Variants in DPP10 observed in about 807,000 individuals in gnomAD.
DPP10 encodes dipeptidyl peptidase like 10.
In DPP10, 33 loss-of-function variants were observed where a neutral mutation model predicts 120.9. The observed-to-expected ratio is 0.27, with a 90% CI of 0.21 to 0.37. The LOEUF (loss-of-function observed/expected upper bound fraction) is 0.37. Ranked by LOEUF, DPP10 falls within the 10% of genes least tolerant of loss-of-function variation. DPP10 has a pLI of 1.00. For synonymous variants in DPP10, 337 were observed against 326.1 expected, an observed-to-expected ratio of 1.03 and a Z score of -0.36; for missense variants, 816 against 942.8, an observed-to-expected ratio of 0.87 and a Z score of 1.76.
intron 3 of DPP10, among the ~76,000 whole-genome samples, chr2:115,376,886 A>C (rs1419898055): frequency 2.7e-5 from 4 of 148,354 alleles, no homozygotes; most frequent in African/African-American, 5.0e-5. Flanking sequence ...TGAACTCATC[A>C]TTTTTTATGG....
chr2:115,496,060 A>G (rs1265823172), intron 3 of DPP10, among the ~76,000 whole-genome samples: 1 of 152,140 alleles, frequency 6.6e-6, no homozygotes, highest in Non-Finnish European at 1.5e-5. Context: ...AAGGATCACT[A>G]TTAGTCTGGT....
intron 5 of DPP10, among the ~76,000 whole-genome samples, chr2:115,667,415 TC>T (rs1298052185): frequency 6.6e-6 from 1 of 152,118 alleles, no homozygotes; most frequent in East Asian, 1.9e-4. Flanking sequence ...TACAATCTTT[TC>T]CAGTTTCTAT....
At chr2:115,312,192 G>A (rs2061606739) in intron 2 of DPP10, among the ~76,000 whole-genome samples, 1 of 152,130 alleles carries the variant, frequency 6.6e-6, no homozygotes, top group Non-Finnish European at 1.5e-5. Flanking sequence ...GAGTGGAAAA[G>A]GTATTGCTGT....
At chr2:114,825,989 G>A (rs969051372) in intron 1 of DPP10, among the ~76,000 whole-genome samples, 1 of 152,272 alleles carries the variant, frequency 6.6e-6, no homozygotes, top group East Asian at 1.9e-4. Context: ...CAAAAAGAGT[G>A]GGGTATAAAC....
At chr2:114,609,349 C>T (rs1176313618) in intron 1 of DPP10, among the ~76,000 whole-genome samples, 2 of 152,136 alleles carry the variant, frequency 1.3e-5, no homozygotes, top group Admixed American at 1.3e-4. Flanking sequence ...CAACATTTAT[C>T]CCCTGGGCCT....
At chr2:114,932,494 A>T (rs921783310) in intron 1 of DPP10, among the ~76,000 whole-genome samples, 2 of 152,238 alleles carry the variant, frequency 1.3e-5, no homozygotes, top group East Asian at 3.8e-4. Flanking sequence ...TATATGTGAA[A>T]CAATCTGGGT....
intron 1 of DPP10, among the ~76,000 whole-genome samples, chr2:114,455,979 G>A (rs553774529): frequency 1.4e-4 from 21 of 152,192 alleles, no homozygotes; most frequent in South Asian, 4.1e-4. Flanking sequence ...CACACCACAT[G>A]GCAATACTGC....
At chr2:115,150,557 A>G (rs1386726015) in intron 1 of DPP10, among the ~76,000 whole-genome samples, 2 of 152,186 alleles carry the variant, frequency 1.3e-5, no homozygotes, top group African/African-American at 4.8e-5. Flanking sequence ...CATTCTCTCC[A>G]TTTGGTTGTA....
intron 3 of DPP10, among the ~76,000 whole-genome samples, chr2:115,383,836 T>C (rs1214580895): frequency 6.6e-6 from 1 of 152,222 alleles, no homozygotes; most frequent in Non-Finnish European, 1.5e-5. Flanking sequence ...GATTCTTGCA[T>C]TAGCTACAAA....
chr2:115,239,567 C>CTGT (rs1332060932), intron 1 of DPP10, among the ~76,000 whole-genome samples: 1 of 152,150 alleles, frequency 6.6e-6, no homozygotes, highest in Non-Finnish European at 1.5e-5. Context: ...AGATGTAATG[C>CTGT]TGTTGCACAC....
chr2:114,844,095 C>T (rs938509587), intron 1 of DPP10, among the ~76,000 whole-genome samples: 22 of 152,078 alleles, frequency 1.4e-4, no homozygotes, highest in Non-Finnish European at 4.4e-5. Context: ...CCCTTTTAGT[C>T]TCTTTTTGTC....
intron 1 of DPP10, among the ~76,000 whole-genome samples, chr2:114,990,731 C>T (rs1035625762): frequency 7.9e-5 from 12 of 152,148 alleles, no homozygotes; most frequent in African/African-American, 2.9e-4. Flanking sequence ...ATAGCACAGA[C>T]ACCCTTTGAA....
Position 114,787,414 on chromosome 2 carries a change from TG to T in DPP10, c.60+344577del, listed in dbSNP as rs1213202330. 4.7e-4 allele frequency among the ~76,000 whole-genome samples: 71 copies of T among 152,314 alleles called. No homozygotes were observed. In the Middle Eastern group the frequency reaches 0.024, roughly 51 times the overall value. On this transcript the variant is annotated intron_variant, in intron 1 of 25. Coordinates refer to ENST00000410059, the MANE Select transcript of DPP10 (RefSeq NM_020868.6). Reference sequence around the variant, plus strand: ...TTGGGAAACTCATTTTACTTCCAAATGCATTGGAAAGCCCTGGAGAATTTTG... The same window carrying T: ...TTGGGAAACTCATTTTACTTCCAAATCATTGGAAAGCCCTGGAGAATTTTG...
chr2:115,635,815 A>C (rs1163441509), intron 5 of DPP10, among the ~76,000 whole-genome samples: 1 of 152,190 alleles, frequency 6.6e-6, no homozygotes, highest in Non-Finnish European at 1.5e-5. Flanking sequence ...GGCTGGAATG[A>C]TAGACTAGAA....
intron 3 of DPP10, among the ~76,000 whole-genome samples, chr2:115,402,429 G>A (rs2068137541): frequency 6.6e-6 from 1 of 152,128 alleles, no homozygotes; most frequent in Admixed American, 6.6e-5. Context: ...AGGTTATTCA[G>A]TAAACAAATC....
intron 1 of DPP10, among the ~76,000 whole-genome samples, chr2:115,173,317 ATTG>A (rs2105077795): frequency 6.6e-6 from 1 of 152,314 alleles, no homozygotes; most frequent in African/African-American, 2.4e-5. Context: ...CACATTGCTT[ATTG>A]GTCACACAAG....
intron 3 of DPP10, among the ~76,000 whole-genome samples, chr2:115,456,508 C>A (rs1043150099): frequency 2.6e-5 from 4 of 152,118 alleles, no homozygotes; most frequent in Non-Finnish European, 5.9e-5. Context: ...GATACATGCA[C>A]ACATATGTTT....
chr2:114,970,777 T>C (rs550029921), intron 1 of DPP10, among the ~76,000 whole-genome samples: 2 of 152,326 alleles, frequency 1.3e-5, no homozygotes, highest in Non-Finnish European at 1.5e-5. Context: ...CCCAAGATTA[T>C]TGATCTCCAG....
At chr2:115,540,151 C>A (rs563672221) in intron 5 of DPP10, among the ~76,000 whole-genome samples, 1 of 151,856 alleles carries the variant, frequency 6.6e-6, no homozygotes, top group Non-Finnish European at 1.5e-5. Flanking sequence ...ATGACCAAGG[C>A]TTTATGGTCA....
Sources: allele counts gnomAD v4.1 joint callset (sites outside exome capture counted in the v4.1 genomes callset), GRCh38; gene constraint gnomAD v4.1.1; transcripts MANE v1.5; gene names NCBI Gene and HGNC (gene_info 2026-07-23, HGNC 2026-07-21).